Variants in POLR3B observed in about 807,000 individuals in gnomAD.
The protein encoded by POLR3B is RNA polymerase III subunit B, also known as DNA-directed RNA polymerase III subunit RPC2.
POLR3B carries 96 observed loss-of-function variants against 147.4 expected under a neutral mutation model. The observed-to-expected ratio is 0.65, with a 90% CI of 0.55 to 0.77. The LOEUF (loss-of-function observed/expected upper bound fraction) is 0.77. Ranked by LOEUF, POLR3B falls within the 30% of genes least tolerant of loss-of-function variation. The pLI is 0.00. For missense variants in POLR3B, 1,036 were observed against 1,413.5 expected, an observed-to-expected ratio of 0.73 and a Z score of 4.28; for synonymous variants, 461 against 485.9, an observed-to-expected ratio of 0.95 and a Z score of 0.67.
In POLR3B at chr12:106,430,511, C is replaced by T. The variant is rs201521816; in HGVS notation, c.1464+38C>T. ...AGGAGTCTTGATGCTGTGTAAGAGG[C>T]GATACCTATGTCTGTGCATGGGGTG... On this transcript the variant is annotated intron_variant, in intron 14 of 27. Transcript: ENST00000228347. The T allele has an allele frequency of 2.2e-4, 343 of 1,527,174 alleles. 5 individuals carry two copies. The South Asian group carries it at 2.8e-3, about 13-fold the overall frequency. The allele number at this position is 1,527,174 out of a possible 1,614,324, so 94.6% of individuals were successfully genotyped here.
intron 23 of POLR3B, 170 bp from the exon 24 acceptor site, chr12:106,495,885 G>A (rs1592775366): frequency 7.0e-6 from 5 of 719,372 alleles, no homozygotes; most frequent in South Asian, 1.4e-5. Context: ...TTTTTGAACT[G>A]TTTGTCAAGC....
chr12:106,448,849 C>G (rs1565899842), intron 19 of POLR3B, among the ~76,000 whole-genome samples: 1 of 152,028 alleles, frequency 6.6e-6, no homozygotes, highest in East Asian at 1.9e-4. Flanking sequence ...AAAAGGTTTT[C>G]TATGTCTTCT....
chr12:106,485,870 A>C (rs564941741), intron 23 of POLR3B, among the ~76,000 whole-genome samples: 65 of 152,300 alleles, frequency 4.3e-4, no homozygotes, highest in Non-Finnish European at 6.8e-4. Flanking sequence ...AATCATTTGC[A>C]TGCTGTTTAT....
intron 12 of POLR3B, among the ~76,000 whole-genome samples, chr12:106,426,839 T>TTC (rs2037444378): frequency 2.3e-3 from 59 of 25,310 alleles, no homozygotes; most frequent in African/African-American, 3.4e-3. Flanking sequence ...TTCTCCACCG[T>TTC]CCCCCCCCCC....
intron 4 of POLR3B, among the ~76,000 whole-genome samples, chr12:106,368,317 G>A (rs908850592): frequency 7.2e-5 from 11 of 151,942 alleles, no homozygotes; most frequent in Non-Finnish European, 5.9e-5. Context: ...TAAGATTTCA[G>A]CAGGTAGAGC....
chr12:106,468,228 G>A (rs1398527902), intron 23 of POLR3B, among the ~76,000 whole-genome samples: 2 of 152,310 alleles, frequency 1.3e-5, no homozygotes, highest in East Asian at 3.9e-4. Context: ...AGATTTTCTA[G>A]TTTATTACAT....
At chr12:106,390,761 C>T (rs2036903356) in intron 9 of POLR3B, among the ~76,000 whole-genome samples, 1 of 150,674 alleles carries the variant, frequency 6.6e-6, no homozygotes, top group Admixed American at 6.6e-5. Flanking sequence ...AATTTAATTC[C>T]AAAAGTTGGT....
intron 9 of POLR3B, among the ~76,000 whole-genome samples, chr12:106,388,349 T>C (rs999417251): frequency 3.3e-5 from 5 of 152,080 alleles, no homozygotes; most frequent in African/African-American, 9.7e-5. Flanking sequence ...GATGGAGTCT[T>C]GCTCTGTCAC....
At chr12:106,409,333 C>G (rs1036297691) in intron 11 of POLR3B, among the ~76,000 whole-genome samples, 1 of 121,966 alleles carries the variant, frequency 8.2e-6, no homozygotes, top group East Asian at 2.1e-4. Flanking sequence ...ACTGGTGTTA[C>G]GATTGTAAGA....
intron 10 of POLR3B, among the ~76,000 whole-genome samples, chr12:106,405,539 T>TACACAC (rs71072675): frequency 0.076 from 10,815 of 142,528 alleles, 465 homozygotes; most frequent in East Asian, 0.11. Flanking sequence ...GCTATATGTC[T>TACACAC]ACACACACAC....
At chr12:106,452,145 A>C (rs1164226870) in intron 19 of POLR3B, among the ~76,000 whole-genome samples, 1 of 152,200 alleles carries the variant, frequency 6.6e-6, no homozygotes, top group East Asian at 1.9e-4. Context: ...TCAGCCATTC[A>C]TTATTTTTAT....
chr12:106,458,194 T>C (rs1346638531), intron 21 of POLR3B, among the ~76,000 whole-genome samples: 13 of 152,190 alleles, frequency 8.5e-5, no homozygotes, highest in Non-Finnish European at 1.9e-4. Context: ...CAATCTCAGC[T>C]CACTGCAACC....
At chr12:106,459,460 G>A (rs2037907894) in intron 22 of POLR3B, 92 bp downstream of exon 22, 1 of 783,746 alleles carries the variant, frequency 1.3e-6, no homozygotes. Context: ...GCGTGTTGGA[G>A]AACTAGAAAT....
chr12:106,374,245 C>T (rs192215914), intron 6 of POLR3B, among the ~76,000 whole-genome samples: 72 of 152,240 alleles, frequency 4.7e-4, no homozygotes, highest in Non-Finnish European at 7.8e-4. Context: ...GAGACAGGGT[C>T]TCACTCTGTC....
At chr12:106,471,825 G>T (rs184879620) in intron 23 of POLR3B, among the ~76,000 whole-genome samples, 7 of 151,606 alleles carry the variant, frequency 4.6e-5, no homozygotes, top group African/African-American at 1.7e-4. Flanking sequence ...TAATCTGTCT[G>T]TTATGTGTGA....
intron 18 of POLR3B, among the ~76,000 whole-genome samples, chr12:106,442,716 C>T (rs1019810852): frequency 6.6e-6 from 1 of 150,536 alleles, no homozygotes; most frequent in Non-Finnish European, 1.5e-5. Flanking sequence ...GTTTCTTGGA[C>T]ATCACTTCAG....
chr12:106,375,601 C>G (rs1465384654), intron 6 of POLR3B, among the ~76,000 whole-genome samples: 1 of 152,168 alleles, frequency 6.6e-6, no homozygotes, highest in Non-Finnish European at 1.5e-5. Flanking sequence ...AGTATCAAAG[C>G]TATTATTATC....
chr12:106,362,039 G>A (rs1423550174), intron 1 of POLR3B, among the ~76,000 whole-genome samples: 1 of 152,160 alleles, frequency 6.6e-6, no homozygotes, highest in African/African-American at 2.4e-5. Flanking sequence ...TAAATATGGA[G>A]TAATTTGGGA....
In POLR3B at chr12:106,454,579, A is replaced by T. The variant is rs374359855; in HGVS notation, c.2161A>T (p.Lys721Ter). ...AGCATATCCACAAAAACCCATGGTT[A>T]AGACAAAAACCATTGAATTGATAGA... ...LLAYPQKPMVKTKTIELIEFE... is the reference protein window; with the variant it reads ...LLAYPQKPMV Residue 721 changes from lysine (K) to a stop codon, truncating the protein, a stop_gained, in exon 20 of 28, where the codon AAG becomes TAG. Coordinates refer to ENST00000228347, the MANE Select transcript of POLR3B (RefSeq NM_018082.6). LOFTEE classifies it high-confidence loss of function. The T allele has an allele frequency of 1.7e-5, 27 of 1,608,066 alleles. No individual in the cohort carries two copies. Among genetic ancestry groups the T allele is most frequent in the Non-Finnish European group, 2.6e-6 (3 of 1,174,754 alleles).
Sources: allele counts gnomAD v4.1 joint callset (sites outside exome capture counted in the v4.1 genomes callset), GRCh38; gene constraint gnomAD v4.1.1; transcripts MANE v1.5; gene names NCBI Gene and HGNC (gene_info 2026-07-23, HGNC 2026-07-21).